Variants in PALLD observed in about 807,000 individuals in gnomAD.
PALLD encodes palladin, cytoskeletal associated protein.
In PALLD, 61 loss-of-function variants were observed where a neutral mutation model predicts 123.5. The observed-to-expected ratio is 0.49, with a 90% CI of 0.40 to 0.61. The LOEUF is 0.61. Among genes scored for constraint, PALLD ranks in the 20% least tolerant of loss-of-function variants. The probability of loss-of-function intolerance (pLI) is 0.00; values close to 1 mark genes in which losing one functional copy is unlikely to be tolerated. For synonymous variants in PALLD, 465 were observed against 496.4 expected (o/e 0.94, Z 0.84); for missense variants, 1,273 against 1,377.0 (o/e 0.92, Z 1.20).
chr4:168,708,571 T>C (rs1440794514), intron 8 of PALLD, among the ~76,000 whole-genome samples: 1 of 152,174 alleles, frequency 6.6e-6, no homozygotes, highest in Non-Finnish European at 1.5e-5. Context: ...GTCATGTTCT[T>C]TTTTCCCCCG....
intron 10 of PALLD, among the ~76,000 whole-genome samples, chr4:168,778,654 A>G (rs1377846615): frequency 6.6e-6 from 1 of 152,188 alleles, no homozygotes; most frequent in Non-Finnish European, 1.5e-5. Flanking sequence ...CGTGCTAAAT[A>G]CCTCAAAAAT....
intron 8 of PALLD, among the ~76,000 whole-genome samples, chr4:168,707,907 T>G (rs1230695841): frequency 6.6e-6 from 1 of 152,210 alleles, no homozygotes; most frequent in Non-Finnish European, 1.5e-5. Flanking sequence ...CTAGTAAAAC[T>G]AATTAATACT....
intron 14 of PALLD, 123 bp downstream of exon 14, chr4:168,898,837 G>A: frequency 1.3e-6 from 1 of 753,634 alleles, no homozygotes; most frequent in Non-Finnish European, 2.3e-6. Context: ...ACGATATAAA[G>A]GGTTTTAAAT....
At chr4:168,785,508 T>C (rs1353687467) in intron 10 of PALLD, among the ~76,000 whole-genome samples, 1 of 152,186 alleles carries the variant, frequency 6.6e-6, no homozygotes, top group Non-Finnish European at 1.5e-5. Context: ...CTCGGAACTA[T>C]AGTGAAACAT....
chr4:168,840,039 T>G (rs2150919622), intron 10 of PALLD, among the ~76,000 whole-genome samples: 1 of 152,338 alleles, frequency 6.6e-6, no homozygotes, highest in African/African-American at 2.4e-5. Flanking sequence ...GTGGTTTTTC[T>G]TGGTAAAGCT....
intron 2 of PALLD, among the ~76,000 whole-genome samples, chr4:168,604,417 T>C (rs1012904510): frequency 1.3e-5 from 2 of 152,164 alleles, no homozygotes; most frequent in African/African-American, 2.4e-5. Flanking sequence ...ATCTCATACA[T>C]GGAACACGTA....
At chr4:168,879,631 C>A (rs1387475806) in intron 10 of PALLD, among the ~76,000 whole-genome samples, 1 of 152,238 alleles carries the variant, frequency 6.6e-6, no homozygotes, top group Non-Finnish European at 1.5e-5. Context: ...AAAGGTGTAC[C>A]AGGCAGCTTC....
chr4:168,799,399 G>A (rs1738986206), intron 10 of PALLD, among the ~76,000 whole-genome samples: 1 of 152,196 alleles, frequency 6.6e-6, no homozygotes, highest in Non-Finnish European at 1.5e-5. Flanking sequence ...GATTGGAAAG[G>A]TAACCGAAGT....
chr4:168,589,223 C>T (rs899026364), intron 2 of PALLD, among the ~76,000 whole-genome samples: 1 of 152,184 alleles, frequency 6.6e-6, no homozygotes, highest in Non-Finnish European at 1.5e-5. Flanking sequence ...CTCTGATCCA[C>T]GTCTGATCTA....
Position 168,511,730 on chromosome 4 carries a change from T to C in PALLD, c.226T>C (p.Cys76Arg). The C allele has an allele frequency of 6.2e-7, 1 of 1,614,194 alleles. No individual in the cohort carries two copies. Among genetic ancestry groups the C allele is most frequent in the African/African-American group, 1.3e-5 (1 of 75,054 alleles). Residue 76 changes from cysteine (C) to arginine (R), a missense_variant, in exon 2 of 22, where the codon TGT (cysteine) becomes CGT (arginine). Cys to Arg is a radical substitution (Grantham distance 180). Around this residue, in one of 2 missense-constraint regions of PALLD, gnomAD observed 944 missense variants for 954.5 expected, o/e 0.99. Coordinates refer to ENST00000505667, the MANE Select transcript of PALLD (RefSeq NM_001166108.2). ...QIFSTSPASL[C>R]EHPSHKETKL... ...TTTCAGTACTTCTCCTGCAAGCCTCTGTGAACATCCTTCCCATAAGGAGAC... is the reference window on the plus strand; with the variant it reads ...TTTCAGTACTTCTCCTGCAAGCCTCCGTGAACATCCTTCCCATAAGGAGAC...
rs148954476 is a variant in PALLD at position 168,758,238 on chromosome 4, C to T, written c.1964+46315C>T. On this transcript the variant is annotated intron_variant, in intron 10 of 21. Transcript: ENST00000505667. The stretch of plus-strand genomic sequence containing the variant: ...TGTTTAAAACTCATCTTTTCAAGCT[C>T]AAGAGCTGTTGCTTTGAAGAGGATT... Among the ~76,000 whole-genome samples, 54 of 152,098 alleles carry T rather than the reference C, an allele frequency of 3.6e-4. No homozygotes were observed. In the East Asian group the frequency reaches 4.2e-3, roughly 12 times the overall value.
intron 2 of PALLD, among the ~76,000 whole-genome samples, chr4:168,587,109 C>T (rs867310845): frequency 1.2e-4 from 19 of 152,112 alleles, no homozygotes; most frequent in Non-Finnish European, 2.4e-4. Flanking sequence ...GGACACCCCC[C>T]GACGACAAAG....
At chr4:168,620,117 T>G (rs62335538) in intron 2 of PALLD, among the ~76,000 whole-genome samples, 7,859 of 152,286 alleles carry the variant, frequency 0.052, 303 homozygotes, top group Non-Finnish European at 0.075. Context: ...TTAATGGGCT[T>G]GATTAATGAT....
At chr4:168,702,773 T>C (rs1274302319) in intron 8 of PALLD, among the ~76,000 whole-genome samples, 2 of 152,140 alleles carry the variant, frequency 1.3e-5, no homozygotes, top group Non-Finnish European at 2.9e-5. Context: ...TAACTCATTC[T>C]GTAACCATAT....
intron 10 of PALLD, among the ~76,000 whole-genome samples, chr4:168,783,570 C>A (rs1219789024): frequency 6.6e-6 from 1 of 152,128 alleles, no homozygotes; most frequent in African/African-American, 2.4e-5. Flanking sequence ...CTAGCCAGGG[C>A]AAGATGATCA....
chr4:168,776,601 C>T (rs778727705), intron 10 of PALLD, among the ~76,000 whole-genome samples: 2 of 152,106 alleles, frequency 1.3e-5, no homozygotes, highest in Admixed American at 1.3e-4. Context: ...AAGCATGCAC[C>T]CTTTTACTAT....
At chr4:168,717,369 G>GTT (rs575017432) in intron 10 of PALLD, among the ~76,000 whole-genome samples, 57 of 151,846 alleles carry the variant, frequency 3.8e-4, no homozygotes, top group Non-Finnish European at 7.2e-4. Flanking sequence ...TTGAGATGAA[G>GTT]TTTTGCTTTG....
intron 10 of PALLD, among the ~76,000 whole-genome samples, chr4:168,889,493 C>G (rs140450752): frequency 1.3e-5 from 2 of 152,126 alleles, no homozygotes; most frequent in East Asian, 3.9e-4. Context: ...TTTGAAATAT[C>G]TTATCATGAA....
intron 2 of PALLD, among the ~76,000 whole-genome samples, chr4:168,625,426 A>G (rs1212664396): frequency 7.3e-6 from 1 of 137,766 alleles, no homozygotes; most frequent in Non-Finnish European, 1.6e-5. Flanking sequence ...CAAAATCAAC[A>G]GAGTGAAAGG....
Sources: allele counts gnomAD v4.1 joint callset (sites outside exome capture counted in the v4.1 genomes callset), GRCh38; gene constraint gnomAD v4.1.1; regional missense constraint gnomAD v4.1.1; transcripts MANE v1.5; gene names NCBI Gene and HGNC (gene_info 2026-07-23, HGNC 2026-07-21).